Variants in SART1 observed in about 807,000 individuals in gnomAD.
SART1 encodes the protein U4/U6.U5 tri-snRNP-associated protein 1.
SART1 carries 28 observed loss-of-function variants against 105.0 expected under a neutral mutation model. That is an observed-to-expected ratio of 0.27 (90% confidence interval 0.20 to 0.37). The LOEUF (loss-of-function observed/expected upper bound fraction) is 0.37. Ranked by LOEUF, SART1 falls within the 10% of genes least tolerant of loss-of-function variation. The pLI is 1.00. For missense variants in SART1, 894 were observed against 1,106.5 expected (o/e 0.81, Z 2.72); for synonymous variants, 472 against 462.9 (o/e 1.02, Z -0.25).
Position 65,979,894 on chromosome 11 carries a change from T to C in SART1, c.*864T>C, listed in dbSNP as rs1855555057. ...TTAGGAGGCTGAGGCAGGAGGACTGTTTGAGCCCAGGAGTTTGAGACCAAC... is the reference window on the plus strand; with the variant it reads ...TTAGGAGGCTGAGGCAGGAGGACTGCTTGAGCCCAGGAGTTTGAGACCAAC... On this transcript the variant is annotated 3_prime_UTR_variant, in exon 20 of 20. Coordinates refer to ENST00000312397, the MANE Select transcript of SART1 (RefSeq NM_005146.5). The C allele has an allele frequency of 1.3e-5, 2 of 152,026 alleles. No individual in the cohort carries two copies. The highest frequency in any genetic ancestry group is 4.8e-5 in the African/African-American group (2 of 41,394). The allele number at this position is 152,026 out of a possible 1,614,324, so 9.4% of individuals were successfully genotyped here.
intron 12 of SART1, among the ~76,000 whole-genome samples, chr11:65,972,227 T>G (rs1855392802): frequency 6.6e-6 from 1 of 152,082 alleles, no homozygotes; most frequent in African/African-American, 2.4e-5. Context: ...GTAGGGGCAT[T>G]GTGGCAGTGT....
chr11:65,978,708 G>A lies in SART1; in HGVS notation c.2262+19G>A, dbSNP rs2134925104. The A allele has an allele frequency of 6.2e-7, 1 of 1,613,326 alleles. No individual in the cohort carries two copies. The highest frequency in any genetic ancestry group is 1.3e-5 in the African/African-American group (1 of 74,990). ...GGAGGCGGTGGGTGCCCTTGGGGAT[G>A]TGGGGGGCCCTGTGCCTGCCGGGGC... is the stretch of plus-strand genomic sequence containing the variant. On this transcript the variant is annotated intron_variant, in intron 18 of 19. Transcript: ENST00000312397. This position sits in a 1 kb window ranked among gnomAD's most constrained non-coding sequence, Gnocchi z 6.8.
intron 1 of SART1, among the ~76,000 whole-genome samples, chr11:65,963,601 C>G (rs950251349): frequency 1.1e-4 from 17 of 152,170 alleles, no homozygotes; most frequent in Admixed American, 5.2e-4. Context: ...CCTACCTCAG[C>G]CTCCCGAGTA....
Position 65,961,911 on chromosome 11 carries a change from G to A in SART1, c.131G>A (p.Gly44Asp). The part of the protein sequence containing the change: ...EHKKHKHRSG[G>D]SGGSGGERRK... ...AAAAAACACAAGCACCGGAGTGGCG[G>A]CAGTGGCGGTAGCGGTGGCGAACGA... The change falls in exon 1 of 20, where the codon GGC becomes GAC. Residue 44 changes from glycine to aspartate, a missense_variant. Gly to Asp is a moderately conservative substitution (Grantham distance 94). Around this residue, in one of 2 missense-constraint regions of SART1, gnomAD observed 712 missense variants for 778.2 expected, o/e 0.91. Coordinates refer to ENST00000312397, the MANE Select transcript of SART1 (RefSeq NM_005146.5). 1.3e-6 allele frequency: 2 copies of A among 1,540,910 alleles called. No homozygotes were observed. Among genetic ancestry groups the A allele is most frequent in the Non-Finnish European group, 1.8e-6 (2 of 1,140,820 alleles).
At position 65,964,057 on chromosome 11, in the gene SART1, GCTT is replaced by G. The variant is rs1855199341; in HGVS notation, c.314-10_314-8del. Reference sequence around the variant, plus strand: ...GCCCTGTGTTCAGCTCCTGAGCCATGCTTCTTCTTGTTCCAGCTGCCAGCTCCA... The same window carrying G: ...GCCCTGTGTTCAGCTCCTGAGCCATGCTTCTTGTTCCAGCTGCCAGCTCCA... On this transcript the variant is annotated splice_polypyrimidine_tract_variant and intron_variant, in intron 1 of 19. Transcript: ENST00000312397. 2 of 1,609,442 alleles carry G rather than the reference GCTT, an allele frequency of 1.2e-6. No homozygotes were observed. The highest frequency in any genetic ancestry group is 1.7e-6 in the Non-Finnish European group (2 of 1,179,782).
At chr11:65,965,014 G>T in intron 3 of SART1, 78 bp from the exon 4 acceptor site, 1 of 1,497,036 alleles carries the variant, frequency 6.7e-7, no homozygotes, top group Non-Finnish European at 8.9e-7. Context: ...TGAGCTGGAA[G>T]GGGGCAGGGT....
chr11:65,977,698 C>G, intron 16 of SART1, 45 bp downstream of exon 16: 1 of 1,613,828 alleles, frequency 6.2e-7, no homozygotes, highest in Non-Finnish European at 8.5e-7. Flanking sequence ...CCTGTGCCAG[C>G]TTGGAGCTTC....
Position 65,976,904 on chromosome 11 carries a change from T to G in SART1, c.1858-110T>G. The G allele has an allele frequency of 5.2e-6, 6 of 1,145,706 alleles. No homozygotes were observed. Among genetic ancestry groups the G allele is most frequent in the Non-Finnish European group, 7.7e-6 (6 of 776,270 alleles). The allele number at this position is 1,145,706 out of a possible 1,614,324, so 71.0% of individuals were successfully genotyped here. A position where few individuals can be genotyped will look rare whatever the true frequency, so the allele number is the denominator to read the frequency against. Reference sequence around the variant, plus strand: ...CTCCCAGGGCGATCTGAGGAGTAAATGAGGAAATTAAATGTTGTGGAGGGC... The same window carrying G: ...CTCCCAGGGCGATCTGAGGAGTAAAGGAGGAAATTAAATGTTGTGGAGGGC... On this transcript the variant is annotated intron_variant, in intron 14 of 19. Transcript: ENST00000312397. This position sits in a 1 kb window ranked among gnomAD's most constrained non-coding sequence, Gnocchi z 5.1.
Position 65,979,380 on chromosome 11 carries a change from C to G in SART1, c.*350C>G, listed in dbSNP as rs1590647844. 1 of 386,924 alleles carries G rather than the reference C, an allele frequency of 2.6e-6. No homozygotes were observed. The highest frequency in any genetic ancestry group is 4.1e-5 in the Admixed American group (1 of 24,650). The allele number at this position is 386,924 out of a possible 1,614,324, so 24.0% of individuals were successfully genotyped here. ...CACAGGTCACTGTCCTGTAATGTCT[C>G]CCGGTCAGGGCAGCCCAGGACTGCC... On this transcript the variant is annotated 3_prime_UTR_variant, in exon 20 of 20. Transcript: ENST00000312397.
In SART1 at chr11:65,976,676, G is replaced by A. The variant is rs1478676384; in HGVS notation, c.1767G>A (p.Glu589=). The change falls in exon 14 of 20, where the codon GAG becomes GAA. Residue 589 remains glutamate (E), a synonymous_variant. Coordinates refer to ENST00000312397, the MANE Select transcript of SART1 (RefSeq NM_005146.5). The surrounding 1 kb of genome is among the most constrained non-coding windows in gnomAD (Gnocchi z 5.1). ...EELMDFERDE[E]RSANGGSESD... The stretch of plus-strand genomic sequence containing the variant: ...CCCAGGACTTTGAACGGGATGAGGA[G>A]CGCTCAGCCAACGGTGGCTCCGAAT... 1 of 1,613,764 alleles carries A rather than the reference G, an allele frequency of 6.2e-7. No individual in the cohort carries two copies. Among genetic ancestry groups the A allele is most frequent in the East Asian group, 2.2e-5 (1 of 44,880 alleles).
chr11:65,972,936 C>T (rs150316451), intron 12 of SART1, among the ~76,000 whole-genome samples: 42 of 152,228 alleles, frequency 2.8e-4, no homozygotes, highest in African/African-American at 9.4e-4. Context: ...CTTTGGGAGG[C>T]CAAGGCGGGC....
chr11:65,964,797 TTAGA>T (rs552176648), intron 3 of SART1, among the ~76,000 whole-genome samples: 218 of 152,300 alleles, frequency 1.4e-3, no homozygotes, highest in Non-Finnish European at 2.8e-3. Context: ...CTGTGAGTTG[TTAGA>T]TGGACTGGAA....
intron 12 of SART1, among the ~76,000 whole-genome samples, chr11:65,973,026 T>C (rs1448425352): frequency 6.6e-6 from 1 of 151,744 alleles, no homozygotes; most frequent in Non-Finnish European, 1.5e-5. Context: ...ACAAAAAAAT[T>C]AACCAGACGT....
At chr11:65,962,121 C>CGGGGG in intron 1 of SART1, 28 bp downstream of exon 1, 1 of 21,760 alleles carries the variant, frequency 4.6e-5, no homozygotes, top group Non-Finnish European at 7.7e-5. Context: ...GCGCAGGGGG[C>CGGGGG]GGGTCGGGCG....
intron 12 of SART1, among the ~76,000 whole-genome samples, chr11:65,973,878 G>C (rs904382475): frequency 6.6e-6 from 1 of 152,084 alleles, no homozygotes; most frequent in African/African-American, 2.4e-5. Context: ...TGTGACTCAG[G>C]TTATAGAATA....
chr11:65,973,504 C>G (rs942290013), intron 12 of SART1, among the ~76,000 whole-genome samples: 1 of 152,194 alleles, frequency 6.6e-6, no homozygotes, highest in African/African-American at 2.4e-5. Context: ...GCAGAAAGGT[C>G]CAAGCCTGAC....
Position 65,966,346 on chromosome 11 carries a change from G to T in SART1, c.982-4G>T. On this transcript the variant is annotated splice_region_variant and splice_polypyrimidine_tract_variant and intron_variant, in intron 8 of 19. Transcript: ENST00000312397. ...GGTCCCAACCTGTACCTCTTGCCTTGCAGCAAAAACCTCGCTCTATCCTGT... is the reference window on the plus strand; with the variant it reads ...GGTCCCAACCTGTACCTCTTGCCTTTCAGCAAAAACCTCGCTCTATCCTGT... The T allele has an allele frequency of 6.2e-7, 1 of 1,614,036 alleles. No individual in the cohort carries two copies. Among genetic ancestry groups the T allele is most frequent in the African/African-American group, 1.3e-5 (1 of 75,050 alleles).
At chr11:65,973,494 G>A (rs767006601) in intron 12 of SART1, among the ~76,000 whole-genome samples, 5 of 152,184 alleles carry the variant, frequency 3.3e-5, no homozygotes, top group African/African-American at 4.8e-5. Flanking sequence ...CAACAATTCC[G>A]CAGAAAGGTC....
chr11:65,964,445 GTCTGTC>G lies in SART1; in HGVS notation c.372-68_372-63del, dbSNP rs943807232. 14 of 1,568,946 alleles carry G rather than the reference GTCTGTC, an allele frequency of 8.9e-6. No homozygotes were observed. In the African/African-American group the frequency reaches 1.9e-4, roughly 21 times the overall value. Reference sequence around the variant, plus strand: ...TCACTCCCACCCTGTTTCTCCTCTTGTCTGTCTGGAAATGCACATGGCACCCTGTGT... The same window carrying G: ...TCACTCCCACCCTGTTTCTCCTCTTGTGGAAATGCACATGGCACCCTGTGT... On this transcript the variant is annotated intron_variant, in intron 2 of 19. Coordinates refer to ENST00000312397, the MANE Select transcript of SART1 (RefSeq NM_005146.5).
Sources: allele counts gnomAD v4.1 joint callset (sites outside exome capture counted in the v4.1 genomes callset), GRCh38; gene constraint gnomAD v4.1.1; regional missense constraint gnomAD v4.1.1; non-coding constraint Gnocchi (gnomAD v3.1); transcripts MANE v1.5; gene names NCBI Gene and HGNC (gene_info 2026-07-23, HGNC 2026-07-21).